XRCC4: variants seen among roughly 807,000 people sequenced by gnomAD.
The protein encoded by XRCC4 is DNA repair protein XRCC4.
A neutral mutation model predicts 39.1 loss-of-function variants in XRCC4; 28 were observed. The observed-to-expected ratio is 0.72, with a 90% CI of 0.53 to 0.98. XRCC4 has a LOEUF of 0.98. Among genes scored for constraint, XRCC4 ranks in the 50% least tolerant of loss-of-function variants. The probability of loss-of-function intolerance (pLI) is 0.00; values close to 1 mark genes in which losing one functional copy is unlikely to be tolerated. For missense variants in XRCC4, 350 were observed against 376.4 expected, an observed-to-expected ratio of 0.93 and a Z score of 0.58; for synonymous variants, 123 against 126.4, an observed-to-expected ratio of 0.97 and a Z score of 0.18.
intron 7 of XRCC4, among the ~76,000 whole-genome samples, chr5:83,289,352 A>G (rs925838907): frequency 3.8e-4 from 57 of 151,922 alleles, no homozygotes; most frequent in African/African-American, 1.4e-3. Flanking sequence ...AAAGCTGGAC[A>G]TGTATCAGGT....
intron 6 of XRCC4, among the ~76,000 whole-genome samples, chr5:83,220,938 T>C (rs1412030587): frequency 6.6e-6 from 1 of 152,210 alleles, no homozygotes; most frequent in African/African-American, 2.4e-5. Flanking sequence ...ATCAGTGTTT[T>C]AAATAATTGA....
rs373871046 is a variant in XRCC4 at position 83,251,843 on chromosome 5, TTAA to T, written c.746-6682_746-6680del. Among the ~76,000 whole-genome samples the T allele has an allele frequency of 5.6e-3, 852 of 152,326 alleles. 7 individuals carry two copies. The highest frequency in any genetic ancestry group is 0.02 in the African/African-American group (821 of 41,580). ...ACATTCTTAAGTGTTTGGTGCTATGTTAATAATCAGTTTATTTGGTGATTGGTA... is the reference window on the plus strand; with the variant it reads ...ACATTCTTAAGTGTTTGGTGCTATGTTAATCAGTTTATTTGGTGATTGGTA... On this transcript the variant is annotated intron_variant, in intron 6 of 7. Transcript: ENST00000396027.
intron 3 of XRCC4, among the ~76,000 whole-genome samples, chr5:83,121,108 T>G (rs543577334): frequency 2.0e-4 from 31 of 152,314 alleles, no homozygotes; most frequent in African/African-American, 7.0e-4. Context: ...CATGTTGTTG[T>G]AAGTTTTAAT....
At chr5:83,265,577 A>G (rs1230048149) in intron 7 of XRCC4, among the ~76,000 whole-genome samples, 2 of 152,186 alleles carry the variant, frequency 1.3e-5, no homozygotes, top group Admixed American at 6.5e-5. Flanking sequence ...AAATAATTCA[A>G]TAAAGATTGA....
intron 1 of XRCC4, among the ~76,000 whole-genome samples, chr5:83,094,250 C>T (rs931833397): frequency 6.6e-6 from 1 of 151,678 alleles, no homozygotes; most frequent in African/African-American, 2.4e-5. Flanking sequence ...GGTTAGGTCT[C>T]TTGATGGTGC....
At chr5:83,246,429 G>T (rs1161564611) in intron 6 of XRCC4, among the ~76,000 whole-genome samples, 1 of 152,040 alleles carries the variant, frequency 6.6e-6, no homozygotes, top group Non-Finnish European at 1.5e-5. Context: ...AAGAAGTTAT[G>T]TTTATAGATT....
chr5:83,139,223 C>G (rs1319299378), intron 3 of XRCC4, among the ~76,000 whole-genome samples: 3 of 152,118 alleles, frequency 2.0e-5, no homozygotes, highest in East Asian at 1.9e-4. Flanking sequence ...ATTTTGAAGA[C>G]TACTGGCCAT....
Position 83,353,255 on chromosome 5 carries a change from A to T in XRCC4, c.*13A>T, listed in dbSNP as rs767861727. ...TGATGAGATTTAACAGTCTCAAAAAATACTTTGATGTTCACTAGACTATGT... is the reference window on the plus strand; with the variant it reads ...TGATGAGATTTAACAGTCTCAAAAATTACTTTGATGTTCACTAGACTATGT... On this transcript the variant is annotated 3_prime_UTR_variant, in exon 8 of 8. Transcript: ENST00000396027. The T allele has an allele frequency of 6.4e-7, 1 of 1,563,048 alleles. No homozygotes were observed. Among genetic ancestry groups the T allele is most frequent in the South Asian group, 1.2e-5 (1 of 85,626 alleles).
At chr5:83,163,570 A>G (rs923205293) in intron 3 of XRCC4, among the ~76,000 whole-genome samples, 3 of 152,252 alleles carry the variant, frequency 2.0e-5, no homozygotes, top group Non-Finnish European at 4.4e-5. Flanking sequence ...ACATGTAAGC[A>G]TTTAAATCAT....
intron 6 of XRCC4, among the ~76,000 whole-genome samples, chr5:83,249,337 G>A (rs1753225759): frequency 6.6e-6 from 1 of 151,868 alleles, no homozygotes; most frequent in East Asian, 1.9e-4. Flanking sequence ...AATCCCATTC[G>A]GTTTTAAAGC....
At chr5:83,364,949 A>T in the XRCC4 span, among the ~76,000 whole-genome samples, 1 of 152,208 alleles carries the variant, frequency 6.6e-6, no homozygotes, top group Non-Finnish European at 1.5e-5. Context: ...GTTTAGAAAG[A>T]GGTGAAGAGA....
intron 3 of XRCC4, among the ~76,000 whole-genome samples, chr5:83,192,935 T>G (rs1285320662): frequency 6.6e-6 from 1 of 152,186 alleles, no homozygotes; most frequent in Non-Finnish European, 1.5e-5. Context: ...ACCTTATATG[T>G]CAAACTAGAA....
At chr5:83,091,590 A>G (rs1391111984) in intron 1 of XRCC4, among the ~76,000 whole-genome samples, 3 of 152,328 alleles carry the variant, frequency 2.0e-5, no homozygotes, top group African/African-American at 4.8e-5. Flanking sequence ...AATTTAGATT[A>G]TACATATAAG....
chr5:83,252,715 G>T (rs1045647117), intron 6 of XRCC4, among the ~76,000 whole-genome samples: 1 of 152,070 alleles, frequency 6.6e-6, no homozygotes, highest in Non-Finnish European at 1.5e-5. Context: ...TAGAGATTCT[G>T]TAATATACCC....
chr5:83,369,233 ACTTT>A, the XRCC4 span, among the ~76,000 whole-genome samples: 7 of 152,174 alleles, frequency 4.6e-5, no homozygotes, highest in African/African-American at 1.4e-4. Flanking sequence ...AAAGCATTTT[ACTTT>A]CTTTGTTTTC....
intron 6 of XRCC4, among the ~76,000 whole-genome samples, 188 bp downstream of exon 6, chr5:83,205,109 C>T (rs564095776): frequency 1.3e-5 from 2 of 152,180 alleles, no homozygotes; most frequent in South Asian, 2.1e-4. Flanking sequence ...TGCAGCAACT[C>T]ATTAGCACAG....
chr5:83,165,240 C>A (rs1003426847), intron 3 of XRCC4, among the ~76,000 whole-genome samples: 20 of 151,960 alleles, frequency 1.3e-4, no homozygotes, highest in African/African-American at 4.6e-4. Flanking sequence ...ATTAACATAG[C>A]TGCTGTAAGA....
chr5:83,362,294 CAAAAAAA>C, the XRCC4 span, among the ~76,000 whole-genome samples: 190 of 73,174 alleles, frequency 2.6e-3, 1 homozygote, highest in African/African-American at 9.7e-3. Flanking sequence ...GCTATTTAGG[CAAAAAAA>C]AAAAAAAAAA....
chr5:83,364,124 A>G, the XRCC4 span, among the ~76,000 whole-genome samples: 1 of 152,218 alleles, frequency 6.6e-6, no homozygotes, highest in South Asian at 2.1e-4. Flanking sequence ...GACATTGTGA[A>G]CTAACCTTTT....
Sources: gnomAD v4.1 joint callset for allele counts (sites outside exome capture counted in the v4.1 genomes callset) on GRCh38, gnomAD v4.1.1 for gene constraint, MANE v1.5 for transcripts, NCBI Gene and HGNC (gene_info 2026-07-23, HGNC 2026-07-21) for gene names.